Variants in CD274 observed in about 807,000 individuals in gnomAD.
CD274 encodes CD274 molecule.
Under a neutral mutation model 30.1 loss-of-function variants are expected in CD274, and 8 were observed. That is an observed-to-expected ratio of 0.27 (90% CI 0.16 to 0.48). The LOEUF is 0.48. CD274 is among the 20% of genes least tolerant of loss of function. CD274 has a pLI of 0.99. For missense variants in CD274, 353 were observed against 346.6 expected (o/e 1.02, Z -0.15); for synonymous variants, 152 against 124.6 (o/e 1.22, Z -1.46).
In CD274 at chr9:5,467,925, G is replaced by C. The variant is rs148242519; in HGVS notation, c.*63G>C. On this transcript the variant is annotated 3_prime_UTR_variant, in exon 7 of 7. Coordinates refer to ENST00000381577, the MANE Select transcript of CD274 (RefSeq NM_014143.4). ...TCAACCTGTGGTTTAGGGGTTCATCGGGGCTGAGCGTGACAAGAGGAAGGA... is the reference window on the plus strand; with the variant it reads ...TCAACCTGTGGTTTAGGGGTTCATCCGGGCTGAGCGTGACAAGAGGAAGGA... 6 of 1,411,476 alleles carry C rather than the reference G, an allele frequency of 4.3e-6. No homozygotes were observed. Among genetic ancestry groups the C allele is most frequent in the Non-Finnish European group, 6.0e-6 (6 of 995,422 alleles). 87.4% of individuals were successfully genotyped at this position (1,411,476 alleles called of 1,614,324 possible).
chr9:5,464,730 C>A (rs1819467333), intron 4 of CD274, among the ~76,000 whole-genome samples: 1 of 152,172 alleles, frequency 6.6e-6, no homozygotes, highest in Admixed American at 6.5e-5. Flanking sequence ...GCTGGTTGGC[C>A]TTCCATGTTC....
rs1283319713 is a variant in CD274 at position 5,457,133 on chromosome 9, T to C, written c.107T>C (p.Met36Thr). 1 of 1,614,070 alleles carries C rather than the reference T, an allele frequency of 6.2e-7. No homozygotes were observed. The change falls in exon 3 of 7, where the codon ATG becomes ACG. Residue 36 changes from methionine to threonine, a missense_variant. Physicochemically the swap from Met to Thr is moderately conservative, Grantham distance 81. Coordinates refer to ENST00000381577, the MANE Select transcript of CD274 (RefSeq NM_014143.4). ...DLYVVEYGSN[M>T]TIECKFPVEK... ...TATGTGGTAGAGTATGGTAGCAATATGACAATTGAATGCAAATTCCCAGTA... is the reference window on the plus strand; with the variant it reads ...TATGTGGTAGAGTATGGTAGCAATACGACAATTGAATGCAAATTCCCAGTA...
intron 6 of CD274, 65 bp from the exon 7 acceptor site, chr9:5,467,775 G>A (rs1485405754): frequency 2.4e-5 from 30 of 1,263,228 alleles, no homozygotes; most frequent in Non-Finnish European, 3.2e-5. Context: ...TTTTTTATTA[G>A]ATTTCTTGTT....
At chr9:5,453,472 G>A (rs1819244035) in intron 1 of CD274, among the ~76,000 whole-genome samples, 1 of 152,120 alleles carries the variant, frequency 6.6e-6, no homozygotes, top group Non-Finnish European at 1.5e-5. Flanking sequence ...CCTAGCCTGG[G>A]GCCCTGGCAC....
intron 3 of CD274, 44 bp downstream of exon 3, chr9:5,457,464 A>C (rs1228200828): frequency 6.7e-7 from 1 of 1,500,088 alleles, no homozygotes; most frequent in Non-Finnish European, 9.2e-7. Context: ...TATTGAAAAC[A>C]TATTCCAAGT....
At chr9:5,461,700 A>T (rs1819406838) in intron 3 of CD274, among the ~76,000 whole-genome samples, 1 of 152,144 alleles carries the variant, frequency 6.6e-6, no homozygotes, top group African/African-American at 2.4e-5. Flanking sequence ...GTAATGAATA[A>T]ACATGAATAA....
intron 1 of CD274, among the ~76,000 whole-genome samples, chr9:5,452,588 G>A (rs143697032): frequency 2.0e-3 from 298 of 152,330 alleles, no homozygotes; most frequent in African/African-American, 7.0e-3. Context: ...GAGGTTTAGA[G>A]GTTAAAGAAC....
At position 5,470,171 on chromosome 9, in the gene CD274, G is replaced by A. The variant is rs1563807488; in HGVS notation, c.*2309G>A. 1 of 232,876 alleles carries A rather than the reference G, an allele frequency of 4.3e-6. No homozygotes were observed. The highest frequency in any genetic ancestry group is 8.5e-6 in the Non-Finnish European group (1 of 117,878). 14.4% of individuals were successfully genotyped at this position (232,876 alleles called of 1,614,324 possible). A position where few individuals can be genotyped will look rare whatever the true frequency, so the allele number is the denominator to read the frequency against. ...TACCTTGGCTTTGCCACATGTCAAG[G>A]CTGAAGAAACAGTGTCTCCAACAGA... On this transcript the variant is annotated 3_prime_UTR_variant, in exon 7 of 7. Transcript: ENST00000381577.
chr9:5,465,584 A>C lies in CD274; in HGVS notation c.768A>C (p.Thr256=). ...TATTATGCCTTGGTGTAGCACTGAC[A>C]TTCATCTTCCGTTTAAGAAAAGGTA... ...AILLCLGVAL[T]FIFRLRKGRM... is the part of the protein sequence containing the mutation. The change falls in exon 5 of 7, where the codon ACA becomes ACC. Residue 256 remains threonine, a synonymous_variant. Transcript: ENST00000381577. 6.3e-7 allele frequency: 1 copy of C among 1,599,976 alleles called. No individual in the cohort carries two copies. Among genetic ancestry groups the C allele is most frequent in the Non-Finnish European group, 8.6e-7 (1 of 1,167,258 alleles).
intron 3 of CD274, 110 bp downstream of exon 3, chr9:5,457,530 G>GCTGT: frequency 1.3e-6 from 1 of 799,274 alleles, no homozygotes; most frequent in Non-Finnish European, 2.0e-6. Context: ...GAACAGCATA[G>GCTGT]TCTGTTCATT....
intron 3 of CD274, among the ~76,000 whole-genome samples, chr9:5,458,753 A>G (rs1386305563): frequency 1.3e-5 from 2 of 152,198 alleles, no homozygotes; most frequent in Admixed American, 6.5e-5. Context: ...TGTAAAGTAG[A>G]TTTAATTTTC....
chr9:5,456,523 T>C (rs17742278), intron 2 of CD274, among the ~76,000 whole-genome samples: 37,282 of 152,192 alleles, frequency 0.24, 5,504 homozygotes, highest in East Asian at 0.6. Flanking sequence ...GGTTGCTCTG[T>C]GACATGCCTT....
chr9:5,462,228 A>G (rs1226325171), intron 3 of CD274, among the ~76,000 whole-genome samples: 1 of 152,218 alleles, frequency 6.6e-6, no homozygotes, highest in Non-Finnish European at 1.5e-5. Flanking sequence ...ATTGACTTCA[A>G]ATCAGAAAAG....
intron 6 of CD274, 68 bp downstream of exon 6, chr9:5,466,897 A>G: frequency 2.5e-6 from 3 of 1,204,584 alleles, no homozygotes; most frequent in Non-Finnish European, 3.6e-6. Context: ...AATAACAAAG[A>G]GAAATCCATC....
At position 5,457,212 on chromosome 9, in the gene CD274, G is replaced by A. The variant is rs4278201; in HGVS notation, c.186G>A (p.Lys62=). 1.2e-5 allele frequency: 20 copies of A among 1,613,970 alleles called. No individual in the cohort carries two copies. In the African/African-American group the frequency reaches 2.5e-4, roughly 20 times the overall value. ...ALIVYWEMED[K]NIIQFVHGEE... ...TTGTCTATTGGGAAATGGAGGATAA[G>A]AACATTATTCAATTTGTGCATGGAG... The change falls in exon 3 of 7, where the codon AAG becomes AAA. Residue 62 remains lysine (K), a synonymous_variant. Coordinates refer to ENST00000381577, the MANE Select transcript of CD274 (RefSeq NM_014143.4).
At chr9:5,466,921 T>G in intron 6 of CD274, 92 bp downstream of exon 6, 1 of 908,532 alleles carries the variant, frequency 1.1e-6, no homozygotes, top group Non-Finnish European at 1.7e-6. Context: ...CATAATCTCC[T>G]CTCCTTTTAA....
chr9:5,457,560 T>G (rs929923854), intron 3 of CD274, 140 bp downstream of exon 3: 2 of 693,254 alleles, frequency 2.9e-6, no homozygotes, highest in Non-Finnish European at 4.7e-6. Context: ...AATTCATGAA[T>G]TCATTCACAT....
intron 5 of CD274, among the ~76,000 whole-genome samples, chr9:5,466,353 T>C (rs1047536079): frequency 6.6e-6 from 1 of 152,172 alleles, no homozygotes; most frequent in Non-Finnish European, 1.5e-5. Context: ...AGGACTGAGA[T>C]AGCCAGAATA....
chr9:5,459,193 G>C (rs1368249081), intron 3 of CD274, among the ~76,000 whole-genome samples: 1 of 152,174 alleles, frequency 6.6e-6, no homozygotes, highest in Non-Finnish European at 1.5e-5. Flanking sequence ...TCTTCCTGGA[G>C]CAAAGCAAAT....
Sources: allele counts gnomAD v4.1 joint callset (sites outside exome capture counted in the v4.1 genomes callset), GRCh38; gene constraint gnomAD v4.1.1; transcripts MANE v1.5; gene names NCBI Gene and HGNC (gene_info 2026-07-23, HGNC 2026-07-21).